The following DCUN1D4 variants were observed in gnomAD, a reference collection of about 807,000 sequenced individuals.
DCUN1D4 encodes defective in cullin neddylation 1 domain containing 4.
A neutral mutation model predicts 47.9 loss-of-function variants in DCUN1D4; 22 were observed. The ratio of observed to expected loss-of-function variants is 0.46; its 90% confidence interval spans 0.33 to 0.66. The LOEUF (loss-of-function observed/expected upper bound fraction) is 0.66. Ranked by LOEUF, DCUN1D4 falls within the 30% of genes least tolerant of loss-of-function variation. The pLI, the probability that DCUN1D4 is intolerant of heterozygous loss-of-function variation, is 0.02. For synonymous variants in DCUN1D4, 121 were observed against 112.2 expected (o/e 1.08, Z -0.50); for missense variants, 301 against 340.8 (o/e 0.88, Z 0.92).
At chr4:51,863,537 C>A in intron 2 of DCUN1D4, 30 bp downstream of exon 2, 1 of 1,590,592 alleles carries the variant, frequency 6.3e-7, no homozygotes, top group Non-Finnish European at 8.6e-7. Flanking sequence ...ACAAAATTAC[C>A]AACTGTTTGA....
chr4:51,913,201 C>CTTAA (rs1733958388), intron 9 of DCUN1D4, 89 bp from the exon 10 acceptor site: 1 of 796,968 alleles, frequency 1.3e-6, no homozygotes, highest in Admixed American at 2.5e-5. Flanking sequence ...CTTACATGAA[C>CTTAA]TTAATTAAGT....
At chr4:51,845,381 T>G in intron 1 of DCUN1D4, 1 of 660,874 alleles carries the variant, frequency 1.5e-6, no homozygotes, top group Non-Finnish European at 1.9e-6. Flanking sequence ...TGAGCAAAGG[T>G]AATATGTGAC....
chr4:51,850,167 A>G (rs1262182410), intron 1 of DCUN1D4, among the ~76,000 whole-genome samples: 2 of 152,204 alleles, frequency 1.3e-5, no homozygotes, highest in African/African-American at 4.8e-5. Flanking sequence ...TCCTGAGGAT[A>G]TTACAGTATA....
intron 5 of DCUN1D4, among the ~76,000 whole-genome samples, chr4:51,885,566 A>C (rs1465646408): frequency 6.6e-6 from 1 of 152,162 alleles, no homozygotes; most frequent in Non-Finnish European, 1.5e-5. Flanking sequence ...ACGGCAGTTA[A>C]ACAGGAGGTG....
chr4:51,895,292 A>G (rs1214005931), intron 7 of DCUN1D4, among the ~76,000 whole-genome samples: 1 of 151,896 alleles, frequency 6.6e-6, no homozygotes, highest in Non-Finnish European at 1.5e-5. Flanking sequence ...CATTTCTGTC[A>G]TTTCCTGGGT....
chr4:51,841,842 C>A (rs180910749), upstream of DCUN1D4, among the ~76,000 whole-genome samples: 3 of 151,872 alleles, frequency 2.0e-5, no homozygotes, highest in Non-Finnish European at 4.4e-5. Context: ...AAAGACCGTG[C>A]GTTCTGTTAC....
chr4:51,847,347 G>A (rs1199018010), intron 1 of DCUN1D4, among the ~76,000 whole-genome samples: 1 of 152,194 alleles, frequency 6.6e-6, no homozygotes, highest in African/African-American at 2.4e-5. Flanking sequence ...CTTGCCATAT[G>A]TTAGAAATAT....
At chr4:51,844,276 T>TG (rs1392416069) in intron 1 of DCUN1D4, 1 of 915,378 alleles carries the variant, frequency 1.1e-6, no homozygotes, top group Non-Finnish European at 1.3e-6. Context: ...CAGGGTCCCT[T>TG]GAAGGGGGGA....
chr4:51,886,435 T>C (rs1228072263), intron 5 of DCUN1D4, 133 bp from the exon 6 acceptor site: 1 of 659,400 alleles, frequency 1.5e-6, no homozygotes, highest in Non-Finnish European at 2.5e-6. Flanking sequence ...ACTTTTCAAC[T>C]TAGACTTGAT....
At chr4:51,856,354 T>C (rs1229548610) in intron 1 of DCUN1D4, among the ~76,000 whole-genome samples, 1 of 152,212 alleles carries the variant, frequency 6.6e-6, no homozygotes, top group East Asian at 1.9e-4. Flanking sequence ...GAAGAGCGAA[T>C]TGTGCTTAAA....
At chr4:51,862,872 G>C (rs1226978380) in intron 1 of DCUN1D4, among the ~76,000 whole-genome samples, 1 of 151,882 alleles carries the variant, frequency 6.6e-6, no homozygotes, top group East Asian at 1.9e-4. Flanking sequence ...AAAATTAGCT[G>C]TGCATGATGG....
chr4:51,869,338 A>C (rs978349104), intron 3 of DCUN1D4, among the ~76,000 whole-genome samples: 1 of 152,172 alleles, frequency 6.6e-6, no homozygotes, highest in Non-Finnish European at 1.5e-5. Context: ...TTATGAACTT[A>C]AGTTACTGTA....
At chr4:51,878,778 G>A (rs890447818) in intron 5 of DCUN1D4, among the ~76,000 whole-genome samples, 12 of 152,178 alleles carry the variant, frequency 7.9e-5, no homozygotes, top group Admixed American at 7.2e-4. Flanking sequence ...TACCTTAGTA[G>A]CCTTTTCTGT....
chr4:51,845,459 CA>C (rs1722390159), intron 1 of DCUN1D4, among the ~76,000 whole-genome samples: 1 of 152,130 alleles, frequency 6.6e-6, no homozygotes, highest in African/African-American at 2.4e-5. Flanking sequence ...AGTGGAGAAC[CA>C]TAAGACTTTT....
At chr4:51,908,620 T>C (rs748821094) in intron 8 of DCUN1D4, among the ~76,000 whole-genome samples, 4 of 152,076 alleles carry the variant, frequency 2.6e-5, no homozygotes, top group Non-Finnish European at 5.9e-5. Context: ...GCCTATAAAG[T>C]TGATGGCTGC....
intron 3 of DCUN1D4, among the ~76,000 whole-genome samples, chr4:51,867,817 AT>A (rs1310478698): frequency 3.3e-5 from 5 of 152,052 alleles, no homozygotes; most frequent in African/African-American, 1.2e-4. Flanking sequence ...GAAGTTGGGG[AT>A]TTACCGGGGA....
At chr4:51,892,680 C>T (rs538773800) in intron 7 of DCUN1D4, among the ~76,000 whole-genome samples, 2 of 152,222 alleles carry the variant, frequency 1.3e-5, no homozygotes, top group South Asian at 2.1e-4. Context: ...TGTGTGCATG[C>T]GCCTGTGTGT....
intron 1 of DCUN1D4, among the ~76,000 whole-genome samples, chr4:51,849,555 C>G (rs1723056388): frequency 6.6e-6 from 1 of 152,128 alleles, no homozygotes; most frequent in Admixed American, 6.5e-5. Flanking sequence ...CTTTTTCATC[C>G]TGGCTGCCTG....
chr4:51,891,703 T>A, intron 6 of DCUN1D4, 57 bp from the exon 7 acceptor site: 3 of 1,382,718 alleles, frequency 2.2e-6, no homozygotes, highest in Non-Finnish European at 3.0e-6. Flanking sequence ...TCTATTTGTT[T>A]TTTCTTTTTA....
Sources: allele counts gnomAD v4.1 joint callset (sites outside exome capture counted in the v4.1 genomes callset), GRCh38; gene constraint gnomAD v4.1.1; transcripts MANE v1.5; gene names NCBI Gene and HGNC (gene_info 2026-07-23, HGNC 2026-07-21).